The following MAMLD1 variants were observed in gnomAD, a reference collection of about 807,000 sequenced individuals.
MAMLD1 encodes mastermind-like domain-containing protein 1.
A neutral mutation model predicts 45.0 loss-of-function variants in MAMLD1; 14 were observed. That is an observed-to-expected ratio of 0.31 (90% confidence interval 0.21 to 0.49). The LOEUF (loss-of-function observed/expected upper bound fraction) is 0.49, where lower values mean the gene tolerates loss of function less well. MAMLD1 is among the 20% of genes least tolerant of loss of function. The pLI is 0.99. For missense variants in MAMLD1, 543 were observed against 603.6 expected (o/e 0.90, Z 1.05); for synonymous variants, 254 against 247.8 (o/e 1.02, Z -0.24).
intron 2 of MAMLD1, among the ~76,000 whole-genome samples, chrX:150,462,313 G>T (rs1287195553): frequency 8.9e-6 from 1 of 111,985 alleles, no homozygotes; most frequent in African/African-American, 3.3e-5. Context: ...GAGAGGGTTG[G>T]TTTGGGTTCC....
intron 1 of MAMLD1, among the ~76,000 whole-genome samples, chrX:150,428,445 C>A (rs1464284556): frequency 8.9e-6 from 1 of 112,624 alleles, no homozygotes; most frequent in Non-Finnish European, 1.9e-5. Flanking sequence ...TTTGGAGTTC[C>A]TCTTTATCCC....
At chrX:150,511,972 A>G (rs2037913398) in intron 7 of MAMLD1, 32 bp from the exon 8 acceptor site, 2 of 1,044,934 alleles carry the variant, frequency 1.9e-6, no homozygotes, top group African/African-American at 3.8e-5. Context: ...TGCCTTTGGA[A>G]CTCATCCCCA....
chrX:150,498,089 C>T (rs1489157312), intron 5 of MAMLD1, among the ~76,000 whole-genome samples: 1 of 111,078 alleles, frequency 9.0e-6, no homozygotes, highest in Admixed American at 9.6e-5. Flanking sequence ...TCATCATCAT[C>T]ATCAATTATT....
intron 1 of MAMLD1, among the ~76,000 whole-genome samples, chrX:150,402,876 A>G (rs1457827602): frequency 9.1e-6 from 1 of 110,457 alleles, no homozygotes; most frequent in Non-Finnish European, 1.9e-5. Flanking sequence ...GAACAATGAG[A>G]ACACATGGAC....
At chrX:150,473,071 C>T (rs1017699729) in intron 4 of MAMLD1, among the ~76,000 whole-genome samples, 3 of 112,774 alleles carry the variant, frequency 2.7e-5, no homozygotes, top group Non-Finnish European at 3.8e-5. Flanking sequence ...CTGGCCCCAC[C>T]AGCCTCCTGG....
intron 1 of MAMLD1, among the ~76,000 whole-genome samples, chrX:150,382,571 G>A (rs2032665783): frequency 9.0e-6 from 1 of 111,540 alleles, no homozygotes; most frequent in South Asian, 3.7e-4. Context: ...TTCAAGAATT[G>A]ACATCTTTAC....
At chrX:150,398,293 G>GAAGAAGAAGAAGAAC (rs2033547767) in intron 1 of MAMLD1, among the ~76,000 whole-genome samples, 5 of 87,658 alleles carry the variant, frequency 5.7e-5, no homozygotes, top group African/African-American at 1.8e-4. Context: ...AGAAGAAGAA[G>GAAGAAGAAGAAGAAC]AAGAAGAAGA....
chrX:150,438,441 CTCTA>C (rs1380818830), intron 1 of MAMLD1, among the ~76,000 whole-genome samples: 1 of 112,032 alleles, frequency 8.9e-6, no homozygotes, highest in Non-Finnish European at 1.9e-5. Flanking sequence ...CAACCATCAC[CTCTA>C]TCTAATTTCT....
At chrX:150,367,708 C>T (rs782721390) in intron 1 of MAMLD1, among the ~76,000 whole-genome samples, 2 of 107,765 alleles carry the variant, frequency 1.9e-5, no homozygotes, top group South Asian at 8.7e-4. Context: ...GTCCCTCCCT[C>T]CTCCCCCCAC....
chrX:150,467,018 C>T (rs965739370), intron 3 of MAMLD1, among the ~76,000 whole-genome samples: 14 of 103,128 alleles, frequency 1.4e-4, no homozygotes, highest in African/African-American at 5.0e-4. Flanking sequence ...CCTTGGCCTG[C>T]CTGGTTCTGC....
At chrX:150,398,717 A>G (rs1371364380) in intron 1 of MAMLD1, among the ~76,000 whole-genome samples, 1 of 111,954 alleles carries the variant, frequency 8.9e-6, no homozygotes, top group Non-Finnish European at 1.9e-5. Context: ...CTCCTCCGTG[A>G]ACTCTCATAG....
At chrX:150,457,576 A>AT (rs1244173886) in intron 2 of MAMLD1, among the ~76,000 whole-genome samples, 1 of 112,638 alleles carries the variant, frequency 8.9e-6, no homozygotes, top group Non-Finnish European at 1.9e-5. Context: ...AACAACCCAA[A>AT]TGTCCATCAG....
chrX:150,391,941 G>A (rs1165774381), intron 1 of MAMLD1, among the ~76,000 whole-genome samples: 4 of 111,701 alleles, frequency 3.6e-5, no homozygotes, highest in East Asian at 2.8e-4. Context: ...AAAATAGAGC[G>A]CTGACTGACA....
At chrX:150,379,834 A>G (rs2032513078) in intron 1 of MAMLD1, among the ~76,000 whole-genome samples, 1 of 112,356 alleles carries the variant, frequency 8.9e-6, no homozygotes, top group Non-Finnish European at 1.9e-5. Flanking sequence ...CGCATGTCCC[A>G]GAAATCACTC....
chrX:150,365,554 C>A (rs1221414748), intron 1 of MAMLD1, among the ~76,000 whole-genome samples: 1 of 113,180 alleles, frequency 8.8e-6, no homozygotes, highest in Non-Finnish European at 1.9e-5. Context: ...GCAGCGGGCG[C>A]CCCTCGCCGC....
At chrX:150,459,817 A>G (rs782001514) in intron 2 of MAMLD1, among the ~76,000 whole-genome samples, 2 of 107,067 alleles carry the variant, frequency 1.9e-5, no homozygotes, top group Non-Finnish European at 3.9e-5. Context: ...AAAGATGGGA[A>G]TAAGAAAGGA....
At chrX:150,399,150 G>A (rs781980487) in intron 1 of MAMLD1, among the ~76,000 whole-genome samples, 14 of 111,955 alleles carry the variant, frequency 1.3e-4, no homozygotes, top group Non-Finnish European at 2.3e-4. Context: ...GCCAAGACTG[G>A]AGGCAGGGGA....
intron 6 of MAMLD1, chrX:150,504,723 T>A: frequency 1.3e-6 from 1 of 752,475 alleles, no homozygotes; most frequent in Non-Finnish European, 1.6e-6. Context: ...GTCCCTCACC[T>A]ATTCTCTCTC....
rs782500699 is a variant in MAMLD1 at position 150,470,453 on chromosome X, C to T, written c.880C>T (p.Pro294Ser). The T allele has an allele frequency of 5.8e-6, 7 of 1,212,017 alleles. No homozygotes were observed. The highest frequency in any genetic ancestry group is 3.0e-5 in the East Asian group (1 of 33,832). ...CCAGGCCATGCTCCCTGTCGCTCTG[C>T]CCCCCTTACCAGTGCCTCAGTGGCA... Reference protein sequence around the residue: ...QVQAMLPVALPPLPVPQWHHA... With the variant: ...QVQAMLPVALSPLPVPQWHHA... The change falls in exon 4 of 8, where the codon CCC becomes TCC. Residue 294 changes from proline to serine, a missense_variant. Pro to Ser is a moderately conservative substitution (Grantham distance 74). Coordinates refer to ENST00000370401, the MANE Select transcript of MAMLD1 (RefSeq NM_005491.5).
Sources: allele counts gnomAD v4.1 joint callset (sites outside exome capture counted in the v4.1 genomes callset), GRCh38; gene constraint gnomAD v4.1.1; transcripts MANE v1.5; gene names NCBI Gene and HGNC (gene_info 2026-07-23, HGNC 2026-07-21).